Variants in ICA1 observed in about 807,000 individuals in gnomAD.
The protein encoded by ICA1 is 69 kDa islet cell autoantigen.
ICA1 carries 40 observed loss-of-function variants against 71.0 expected under a neutral mutation model. The observed-to-expected ratio is 0.56, with a 90% CI of 0.44 to 0.73. The LOEUF is 0.73. ICA1 is among the 30% of genes least tolerant of loss of function. The pLI, the probability that ICA1 is intolerant of heterozygous loss-of-function variation, is 0.00. For missense variants in ICA1, 578 were observed against 576.5 expected, an observed-to-expected ratio of 1.00 and a Z score of -0.03; for synonymous variants, 207 against 209.5, an observed-to-expected ratio of 0.99 and a Z score of 0.10.
At chr7:8,242,872 A>G (rs1283015560) in intron 1 of ICA1, among the ~76,000 whole-genome samples, 6 of 151,942 alleles carry the variant, frequency 3.9e-5, no homozygotes, top group Admixed American at 6.6e-5. Flanking sequence ...CCAGGAAGAA[A>G]TTGAATCTCT....
At chr7:8,170,613 C>T (rs894042860) in intron 6 of ICA1, among the ~76,000 whole-genome samples, 4 of 151,844 alleles carry the variant, frequency 2.6e-5, no homozygotes, top group Admixed American at 6.6e-5. Context: ...AATTCAATTG[C>T]TAATTGTTCA....
chr7:8,136,642 G>C (rs1793527007), intron 12 of ICA1, among the ~76,000 whole-genome samples: 1 of 152,216 alleles, frequency 6.6e-6, no homozygotes, highest in Non-Finnish European at 1.5e-5. Flanking sequence ...TTGGCAGTGA[G>C]AAAGAGAAAA....
chr7:8,235,835 T>A, intron 2 of ICA1, 75 bp downstream of exon 2: 2 of 1,453,170 alleles, frequency 1.4e-6, no homozygotes, highest in Admixed American at 3.4e-5. Context: ...TGTTTTTCCA[T>A]TCAATAGATG....
chr7:8,134,755 T>C (rs1397691466), intron 12 of ICA1, among the ~76,000 whole-genome samples: 1 of 152,172 alleles, frequency 6.6e-6, no homozygotes, highest in African/African-American at 2.4e-5. Context: ...ACACTGCTTC[T>C]AAGAACTTCG....
chr7:8,160,126 G>A (rs1447992879), intron 6 of ICA1, among the ~76,000 whole-genome samples: 2 of 152,148 alleles, frequency 1.3e-5, no homozygotes, highest in Admixed American at 6.5e-5. Flanking sequence ...TCAAGCCATT[G>A]CAAAAGGTGA....
chr7:8,142,377 C>A (rs1392193436), intron 9 of ICA1, among the ~76,000 whole-genome samples: 1 of 152,218 alleles, frequency 6.6e-6, no homozygotes, highest in African/African-American at 2.4e-5. Context: ...TCTGCTATTT[C>A]TAAACAAAAT....
intron 6 of ICA1, among the ~76,000 whole-genome samples, chr7:8,183,318 C>T (rs1026211108): frequency 1.3e-5 from 2 of 152,080 alleles, no homozygotes; most frequent in African/African-American, 4.8e-5. Context: ...GATATTTGTC[C>T]CGTTAAAGGC....
At chr7:8,198,601 C>A (rs146108655) in intron 6 of ICA1, among the ~76,000 whole-genome samples, 1 of 152,164 alleles carries the variant, frequency 6.6e-6, no homozygotes, top group East Asian at 1.9e-4. Flanking sequence ...TCCAGGCGAG[C>A]GTCATAAGGC....
chr7:8,242,160 C>G (rs1056662234), intron 1 of ICA1, among the ~76,000 whole-genome samples: 6 of 151,986 alleles, frequency 3.9e-5, no homozygotes, highest in African/African-American at 1.2e-4. Context: ...GAACACATAA[C>G]TGGAAAAAAG....
In ICA1 at chr7:8,232,719, T is replaced by G. The variant is rs1345301875; in HGVS notation, c.54A>C (p.Gln18His). The change falls in exon 3 of 14, where the codon CAA (glutamine) becomes CAC (histidine). Residue 18 changes from glutamine to histidine, a missense_variant. Physicochemically the swap from Gln to His is conservative, Grantham distance 24 (BLOSUM62 0). Transcript: ENST00000402384. ...GCATCTTATTTACAACTGACTTATC[T>G]TGAGCATATCGATCCTGTAAGTCCC... ...YPWDLQDRYA[Q>H]DKSVVNKMQQ... 1 of 1,609,944 alleles carries G rather than the reference T, an allele frequency of 6.2e-7. No individual in the cohort carries two copies. The highest frequency in any genetic ancestry group is 8.5e-7 in the Non-Finnish European group (1 of 1,178,210).
intron 6 of ICA1, among the ~76,000 whole-genome samples, 186 bp downstream of exon 6, chr7:8,218,119 C>G (rs1795936533): frequency 6.6e-6 from 1 of 152,192 alleles, no homozygotes; most frequent in Non-Finnish European, 1.5e-5. Flanking sequence ...GCTGTCTCTT[C>G]TATCTTATCC....
At chr7:8,174,206 T>G (rs940996356) in intron 6 of ICA1, among the ~76,000 whole-genome samples, 1 of 152,192 alleles carries the variant, frequency 6.6e-6, no homozygotes, top group Non-Finnish European at 1.5e-5. Context: ...TCTTTAATTA[T>G]GTATTTCTTT....
At chr7:8,183,519 C>A (rs1271034443) in intron 6 of ICA1, among the ~76,000 whole-genome samples, 1 of 152,168 alleles carries the variant, frequency 6.6e-6, no homozygotes, top group Non-Finnish European at 1.5e-5. Context: ...ATTATTAAAA[C>A]CCCTGGTAAT....
chr7:8,124,909 C>A (rs1788564973), intron 13 of ICA1, among the ~76,000 whole-genome samples: 1 of 152,058 alleles, frequency 6.6e-6, no homozygotes, highest in Non-Finnish European at 1.5e-5. Flanking sequence ...CTGCCTCAGC[C>A]TCCCGAGTAG....
At chr7:8,214,042 T>G (rs1372881296) in intron 6 of ICA1, among the ~76,000 whole-genome samples, 1 of 152,226 alleles carries the variant, frequency 6.6e-6, no homozygotes, top group Non-Finnish European at 1.5e-5. Flanking sequence ...ATGGCCCTCA[T>G]TAAAACACTG....
At chr7:8,259,263 G>A (rs1335846278) in intron 1 of ICA1, among the ~76,000 whole-genome samples, 1 of 152,130 alleles carries the variant, frequency 6.6e-6, no homozygotes, top group African/African-American at 2.4e-5. Context: ...CTAAGATTTT[G>A]CATTTCTAAT....
intron 8 of ICA1, 27 bp downstream of exon 8, chr7:8,157,089 T>G: frequency 6.2e-7 from 1 of 1,614,212 alleles, no homozygotes. Flanking sequence ...TCTCAAGATT[T>G]TCTAGTGGCC....
intron 1 of ICA1, among the ~76,000 whole-genome samples, chr7:8,256,483 C>T (rs1247448762): frequency 6.6e-6 from 1 of 152,138 alleles, no homozygotes; most frequent in Non-Finnish European, 1.5e-5. Flanking sequence ...ATTCTTTCCA[C>T]TTGGAATGCC....
chr7:8,251,272 G>A (rs1317185851), intron 1 of ICA1, among the ~76,000 whole-genome samples: 1 of 151,778 alleles, frequency 6.6e-6, no homozygotes, highest in South Asian at 2.1e-4. Context: ...CAATGATTAA[G>A]TTTAATGACT....
Sources: gnomAD v4.1 joint callset for allele counts (sites outside exome capture counted in the v4.1 genomes callset) on GRCh38, gnomAD v4.1.1 for gene constraint, MANE v1.5 for transcripts, NCBI Gene and HGNC (gene_info 2026-07-23, HGNC 2026-07-21) for gene names.